Variants in TMTC2 observed in about 807,000 individuals in gnomAD.
TMTC2 encodes the protein transmembrane O-mannosyltransferase targeting cadherins 2, also known as protein O-mannosyl-transferase TMTC2.
In TMTC2, 43 loss-of-function variants were observed where a neutral mutation model predicts 82.4. The ratio of observed to expected loss-of-function variants is 0.52; its 90% confidence interval spans 0.41 to 0.67. TMTC2 has a LOEUF of 0.67. Ranked by LOEUF, TMTC2 falls within the 30% of genes least tolerant of loss-of-function variation. The probability of loss-of-function intolerance (pLI) is 0.00; values close to 1 mark genes in which losing one functional copy is unlikely to be tolerated. For synonymous variants in TMTC2, 408 were observed against 381.9 expected, an observed-to-expected ratio of 1.07 and a Z score of -0.80; for missense variants, 919 against 1,012.4, an observed-to-expected ratio of 0.91 and a Z score of 1.25.
At chr12:83,111,218 A>T (rs1226326449) in intron 11 of TMTC2, among the ~76,000 whole-genome samples, 1 of 152,126 alleles carries the variant, frequency 6.6e-6, no homozygotes, top group African/African-American at 2.4e-5. Flanking sequence ...TCACTTCTTC[A>T]CTCAAAGGCC....
intron 1 of TMTC2, among the ~76,000 whole-genome samples, chr12:82,833,652 A>G (rs1869872033): frequency 6.6e-6 from 1 of 152,232 alleles, no homozygotes; most frequent in Non-Finnish European, 1.5e-5. Context: ...TTAATCTGTT[A>G]GCTAATTGGA....
intron 4 of TMTC2, among the ~76,000 whole-genome samples, chr12:82,940,260 G>A (rs1415135740): frequency 6.6e-6 from 1 of 151,600 alleles, no homozygotes; most frequent in Admixed American, 6.6e-5. Context: ...CAGGTGATCC[G>A]CCCACCTTGG....
At chr12:82,811,210 A>G (rs1007831718) in intron 1 of TMTC2, among the ~76,000 whole-genome samples, 1 of 152,114 alleles carries the variant, frequency 6.6e-6, no homozygotes, top group African/African-American at 2.4e-5. Flanking sequence ...TGGGCAACAG[A>G]GTGAGACTGT....
intron 11 of TMTC2, among the ~76,000 whole-genome samples, chr12:83,065,403 A>G (rs933716744): frequency 6.6e-6 from 1 of 151,906 alleles, no homozygotes; most frequent in Non-Finnish European, 1.5e-5. Context: ...AATAAGTTTT[A>G]TATTCTGATA....
At chr12:82,840,587 T>C (rs1870279449) in intron 1 of TMTC2, among the ~76,000 whole-genome samples, 1 of 152,230 alleles carries the variant, frequency 6.6e-6, no homozygotes, top group Admixed American at 6.5e-5. Context: ...ATGGTCACGA[T>C]TGAATAAAAA....
intron 1 of TMTC2, among the ~76,000 whole-genome samples, chr12:82,764,837 A>AT (rs10603409): frequency 3.3e-4 from 48 of 146,262 alleles, no homozygotes; most frequent in African/African-American, 1.2e-3. Flanking sequence ...GTGAATCTGC[A>AT]TTTTTTTTTT....
rs769296983 is a variant in TMTC2 at position 82,847,588 on chromosome 12, A to G, written c.84-9422A>G. 7.2e-5 allele frequency among the ~76,000 whole-genome samples: 11 copies of G among 152,172 alleles called. 1 individual carries two copies. The highest frequency in any genetic ancestry group is 2.4e-4 in the African/African-American group (10 of 41,390). On this transcript the variant is annotated intron_variant, in intron 1 of 11. Coordinates refer to ENST00000321196, the MANE Select transcript of TMTC2 (RefSeq NM_152588.3). ...AAACTGGATTAAGAAAATGTGGCAC[A>G]TATACACCATGGAATACTATGCAGC...
intron 1 of TMTC2, among the ~76,000 whole-genome samples, chr12:82,722,440 G>A (rs377579205): frequency 1.7e-4 from 25 of 149,514 alleles, no homozygotes; most frequent in South Asian, 4.3e-4. Flanking sequence ...GGTGGTGGGC[G>A]CCTGTAGTCC....
intron 1 of TMTC2, among the ~76,000 whole-genome samples, chr12:82,757,375 A>AAAACG (rs1876385051): frequency 6.6e-6 from 1 of 152,220 alleles, no homozygotes; most frequent in South Asian, 2.1e-4. Context: ...TTAACATTTG[A>AAAACG]TTAAATATAC....
intron 11 of TMTC2, among the ~76,000 whole-genome samples, chr12:83,118,748 T>G (rs2137557135): frequency 6.6e-6 from 1 of 152,098 alleles, no homozygotes; most frequent in Admixed American, 6.6e-5. Context: ...GTACCAAACC[T>G]TTCAACGTCT....
chr12:82,857,347 G>A lies in TMTC2; in HGVS notation c.421G>A (p.Asp141Asn), dbSNP rs1484450121. The A allele has an allele frequency of 5.0e-6, 8 of 1,614,140 alleles. No individual in the cohort carries two copies. The highest frequency in any genetic ancestry group is 5.9e-6 in the Non-Finnish European group (7 of 1,180,032). Residue 141 changes from aspartate (D) to asparagine (N), a missense_variant, in exon 2 of 12, where the codon GAT (aspartate) becomes AAT (asparagine). Coordinates refer to ENST00000321196, the MANE Select transcript of TMTC2 (RefSeq NM_152588.3). ...EAVAGIVGRA[D>N]VGASLFFLLS... Reference sequence around the variant, plus strand: ...AGTGGCAGGAATCGTGGGACGAGCCGATGTCGGGGCCAGTCTCTTCTTTCT... The same window carrying A: ...AGTGGCAGGAATCGTGGGACGAGCCAATGTCGGGGCCAGTCTCTTCTTTCT...
chr12:82,965,407 C>T (rs1471518856), intron 5 of TMTC2, among the ~76,000 whole-genome samples, 153 bp from the exon 6 acceptor site: 1 of 152,066 alleles, frequency 6.6e-6, no homozygotes, highest in East Asian at 1.9e-4. Flanking sequence ...AGTTTCACTA[C>T]CATTATTGAT....
At chr12:82,746,777 A>G (rs180737864) in intron 1 of TMTC2, among the ~76,000 whole-genome samples, 3 of 152,334 alleles carry the variant, frequency 2.0e-5, no homozygotes, top group Non-Finnish European at 4.4e-5. Flanking sequence ...AGCCAGCGAT[A>G]TGCAAAGCCT....
intron 11 of TMTC2, among the ~76,000 whole-genome samples, chr12:83,126,284 T>C (rs1018914312): frequency 6.6e-6 from 1 of 152,038 alleles, no homozygotes; most frequent in African/African-American, 2.4e-5. Flanking sequence ...AATTTCAGGA[T>C]TGTAGTTTTC....
intron 1 of TMTC2, among the ~76,000 whole-genome samples, chr12:82,744,052 C>T (rs1158464274): frequency 2.0e-5 from 3 of 152,174 alleles, no homozygotes; most frequent in East Asian, 3.9e-4. Context: ...GCGGGAGGAT[C>T]GCTCGAAGCC....
chr12:82,918,536 C>T (rs1256141340), intron 3 of TMTC2, among the ~76,000 whole-genome samples: 1 of 151,858 alleles, frequency 6.6e-6, no homozygotes, highest in East Asian at 1.9e-4. Context: ...AGCTGAAGCA[C>T]GAAACAAGAA....
intron 1 of TMTC2, among the ~76,000 whole-genome samples, chr12:82,843,198 T>C (rs1271103718): frequency 6.6e-6 from 1 of 152,136 alleles, no homozygotes; most frequent in Non-Finnish European, 1.5e-5. Flanking sequence ...GCGATTCTCC[T>C]GTCTCAGCTT....
At chr12:82,839,518 C>T (rs1008802004) in intron 1 of TMTC2, among the ~76,000 whole-genome samples, 5 of 152,206 alleles carry the variant, frequency 3.3e-5, no homozygotes, top group African/African-American at 1.2e-4. Flanking sequence ...ATTATGTTGA[C>T]CTTTATTTTT....
At chr12:82,951,732 A>T (rs1877357471) in intron 4 of TMTC2, among the ~76,000 whole-genome samples, 1 of 152,230 alleles carries the variant, frequency 6.6e-6, no homozygotes, top group Non-Finnish European at 1.5e-5. Flanking sequence ...GTATTCAATT[A>T]TGCCTTTCAC....
Sources: allele counts gnomAD v4.1 joint callset (sites outside exome capture counted in the v4.1 genomes callset), GRCh38; gene constraint gnomAD v4.1.1; transcripts MANE v1.5; gene names NCBI Gene and HGNC (gene_info 2026-07-23, HGNC 2026-07-21).